ADGRB1: variants seen among roughly 807,000 people sequenced by gnomAD.
The protein encoded by ADGRB1 is adhesion G protein-coupled receptor B1.
In ADGRB1, 36 loss-of-function variants were observed where a neutral mutation model predicts 175.7. The observed-to-expected ratio is 0.20, with a 90% CI of 0.16 to 0.27. The LOEUF is 0.27. Ranked by LOEUF, ADGRB1 falls within the 10% of genes least tolerant of loss-of-function variation. The pLI is 1.00. For missense variants in ADGRB1, 1,731 were observed against 2,255.3 expected, an observed-to-expected ratio of 0.77 and a Z score of 4.71; for synonymous variants, 1,054 against 979.4, an observed-to-expected ratio of 1.08 and a Z score of -1.42.
At chr8:142,531,066 C>T (rs755684403) in intron 24 of ADGRB1, among the ~76,000 whole-genome samples, 7 of 152,230 alleles carry the variant, frequency 4.6e-5, no homozygotes, top group East Asian at 1.9e-4. Flanking sequence ...TATCCCCTGA[C>T]GGGCAGCAGC....
chr8:142,543,131 G>A lies in ADGRB1; in HGVS notation c.4414-272G>A, dbSNP rs897493252. On this transcript the variant is annotated intron_variant, in intron 28 of 30. Coordinates refer to ENST00000517894, the MANE Select transcript of ADGRB1 (RefSeq NM_001702.3). This position sits in a 1 kb window ranked among gnomAD's most constrained non-coding sequence, Gnocchi z 4.4. ...CTCTGTCGGGGGACCCAGCCATGTG[G>A]CCCCAAGTTCAGGTCTCCTTGATCC... Among the ~76,000 whole-genome samples, 26 of 152,184 alleles carry A rather than the reference G, an allele frequency of 1.7e-4. No individual in the cohort carries two copies. Among genetic ancestry groups the A allele is most frequent in the Non-Finnish European group, 1.8e-4 (12 of 68,016 alleles).
chr8:142,468,288 G>A (rs923412820), intron 2 of ADGRB1, among the ~76,000 whole-genome samples: 1 of 152,148 alleles, frequency 6.6e-6, no homozygotes, highest in African/African-American at 2.4e-5. Context: ...GTGAATGTAT[G>A]TATCCAGGCT....
intron 17 of ADGRB1, among the ~76,000 whole-genome samples, chr8:142,507,825 G>A (rs976286084): frequency 1.3e-5 from 2 of 152,208 alleles, no homozygotes; most frequent in African/African-American, 4.8e-5. Flanking sequence ...TGGAAACCCA[G>A]TATCAGCTGC....
intron 1 of ADGRB1, among the ~76,000 whole-genome samples, chr8:142,457,463 T>G (rs556279476): frequency 6.6e-6 from 1 of 152,312 alleles, no homozygotes; most frequent in South Asian, 2.1e-4. Context: ...TGGGCACCCC[T>G]GTGCCCAGGC....
chr8:142,488,322 T>C, intron 13 of ADGRB1, 42 bp from the exon 14 acceptor site: 1 of 1,609,380 alleles, frequency 6.2e-7, no homozygotes, highest in Non-Finnish European at 8.5e-7. Flanking sequence ...ATCTGTGACT[T>C]TCCCTCCTCT....
At chr8:142,530,137 A>G (rs1238750002) in intron 24 of ADGRB1, among the ~76,000 whole-genome samples, 1 of 151,948 alleles carries the variant, frequency 6.6e-6, no homozygotes, top group Non-Finnish European at 1.5e-5. Flanking sequence ...GTGAGTGTGT[A>G]TATAATTGGG....
chr8:142,487,070 A>G (rs2131860826), intron 13 of ADGRB1, among the ~76,000 whole-genome samples: 2 of 152,336 alleles, frequency 1.3e-5, no homozygotes, highest in Middle Eastern at 6.8e-3. Flanking sequence ...CCTCAGCTAG[A>G]AACATCAACA....
At chr8:142,517,540 G>A (rs959165194) in intron 18 of ADGRB1, among the ~76,000 whole-genome samples, 1 of 152,220 alleles carries the variant, frequency 6.6e-6, no homozygotes, top group South Asian at 2.1e-4. Flanking sequence ...GGGACTGAGG[G>A]GCTGTGGAGG....
chr8:142,515,026 G>A (rs907576585), intron 18 of ADGRB1, among the ~76,000 whole-genome samples: 5 of 152,140 alleles, frequency 3.3e-5, no homozygotes, highest in Non-Finnish European at 7.4e-5. Context: ...GAGAAGATTG[G>A]GAGTGGGAGT....
chr8:142,512,806 C>T lies in ADGRB1; in HGVS notation c.2817+1733C>T, dbSNP rs188946963. ...AGGCTGACCTCCAGAGTGGGCCTGG[C>T]TTAGGGAACTTGTTCAGAGAGGGGC... On this transcript the variant is annotated intron_variant, in intron 18 of 30. Coordinates refer to ENST00000517894, the MANE Select transcript of ADGRB1 (RefSeq NM_001702.3). Among the ~76,000 whole-genome samples the T allele has an allele frequency of 2.0e-4, 30 of 152,308 alleles. No individual in the cohort carries two copies. The East Asian group carries it at 5.8e-3, about 29-fold the overall frequency.
intron 1 of ADGRB1, among the ~76,000 whole-genome samples, chr8:142,459,803 C>T (rs1839875474): frequency 1.3e-5 from 2 of 152,218 alleles, no homozygotes; most frequent in South Asian, 4.1e-4. Flanking sequence ...ACCAGCCCCT[C>T]CCCCATTTGC....
chr8:142,463,482 C>T (rs887931089), intron 1 of ADGRB1, among the ~76,000 whole-genome samples: 1 of 152,252 alleles, frequency 6.6e-6, no homozygotes, highest in Non-Finnish European at 1.5e-5. Flanking sequence ...GGCCCACTTC[C>T]CTTCCCACGG....
In ADGRB1 at chr8:142,489,067, A is replaced by G; in HGVS notation, c.2485A>G (p.Thr829Ala). The G allele has an allele frequency of 6.2e-7, 1 of 1,611,478 alleles. No individual in the cohort carries two copies. The highest frequency in any genetic ancestry group is 8.5e-7 in the Non-Finnish European group (1 of 1,179,564). ...TGAAGCATCCGTGTTTGTGGTGGGC[A>G]CCGTGCTCTACAGGAACCTGGGCAG... ...ADEASVFVVG[T>A]VLYRNLGSFL... The change falls in exon 15 of 31, where the codon ACC (threonine) becomes GCC (alanine). Residue 829 changes from threonine to alanine, a missense_variant. Transcript: ENST00000517894.
chr8:142,483,696 TGGTC>T (rs1841508296), intron 11 of ADGRB1, among the ~76,000 whole-genome samples: 1 of 80,040 alleles, frequency 1.2e-5, no homozygotes, highest in East Asian at 3.7e-4. Context: ...GACACTGCAC[TGGTC>T]ACATGCTGAA....
rs1843856466 is a variant in ADGRB1 at position 142,521,649 on chromosome 8, T to A, written c.3025-316T>A. 2.6e-5 allele frequency among the ~76,000 whole-genome samples: 4 copies of A among 152,198 alleles called. No individual in the cohort carries two copies. In the South Asian group the frequency reaches 8.3e-4, roughly 31 times the overall value. ...GACGTGCCCTCCCTGGGCCTTGGGCTTACTACCTCCTGAACGCATGGGCGG... is the reference window on the plus strand; with the variant it reads ...GACGTGCCCTCCCTGGGCCTTGGGCATACTACCTCCTGAACGCATGGGCGG... On this transcript the variant is annotated intron_variant, in intron 20 of 30. Coordinates refer to ENST00000517894, the MANE Select transcript of ADGRB1 (RefSeq NM_001702.3).
intron 18 of ADGRB1, among the ~76,000 whole-genome samples, chr8:142,512,947 G>A (rs1179975318): frequency 2.0e-5 from 3 of 152,074 alleles, no homozygotes; most frequent in African/African-American, 4.8e-5. Context: ...GGGAGGAAGC[G>A]GCTGCTCTGT....
chr8:142,524,836 G>T (rs1039528000), intron 23 of ADGRB1, among the ~76,000 whole-genome samples: 3 of 152,086 alleles, frequency 2.0e-5, no homozygotes, highest in Non-Finnish European at 4.4e-5. Flanking sequence ...CAGGTGGCAC[G>T]CAGGGTCACC....
rs922787357 is a variant in ADGRB1 at position 142,492,931 on chromosome 8, C to T, written c.2675+2116C>T. Among the ~76,000 whole-genome samples the T allele has an allele frequency of 3.9e-5, 6 of 151,976 alleles. No homozygotes were observed. The highest frequency in any genetic ancestry group is 1.9e-4 in the East Asian group (1 of 5,134). ...GAAACCCTCCATCCGGGCTGTTCGC[C>T]GGCCGCGGCAGCTCTCGGGGGGCTG... is the stretch of plus-strand genomic sequence containing the variant. On this transcript the variant is annotated intron_variant, in intron 17 of 30. Transcript: ENST00000517894. The surrounding 1 kb of genome is among the most constrained non-coding windows in gnomAD (Gnocchi z 4.4).
intron 12 of ADGRB1, among the ~76,000 whole-genome samples, 172 bp downstream of exon 12, chr8:142,484,217 C>T (rs1841538988): frequency 6.6e-6 from 1 of 152,240 alleles, no homozygotes; most frequent in Admixed American, 6.5e-5. Context: ...GCATTCCTAG[C>T]CTGTTTCCTC....
Sources: allele counts gnomAD v4.1 joint callset (sites outside exome capture counted in the v4.1 genomes callset), GRCh38; gene constraint gnomAD v4.1.1; non-coding constraint Gnocchi (gnomAD v3.1); transcripts MANE v1.5; gene names NCBI Gene and HGNC (gene_info 2026-07-23, HGNC 2026-07-21).